Variants in TSPAN13 observed in about 807,000 individuals in gnomAD.
TSPAN13 encodes tetraspanin 13.
Under a neutral mutation model 26.9 loss-of-function variants are expected in TSPAN13, and 18 were observed. The ratio of observed to expected loss-of-function variants is 0.67; its 90% confidence interval spans 0.46 to 0.99. The LOEUF is 0.99. TSPAN13 is among the 50% of genes least tolerant of loss of function. TSPAN13 has a pLI of 0.00. For synonymous variants in TSPAN13, 116 were observed against 98.4 expected, an observed-to-expected ratio of 1.18 and a Z score of -1.06; for missense variants, 201 against 249.6, an observed-to-expected ratio of 0.81 and a Z score of 1.31.
chr7:16,772,430 G>C (rs1483902963), intron 1 of TSPAN13, among the ~76,000 whole-genome samples: 2 of 152,118 alleles, frequency 1.3e-5, no homozygotes, highest in Non-Finnish European at 2.9e-5. Flanking sequence ...CAAAATCAAG[G>C]TGTCCACAGA....
At chr7:16,780,914 T>C (rs868420084) in intron 5 of TSPAN13, among the ~76,000 whole-genome samples, 6 of 152,240 alleles carry the variant, frequency 3.9e-5, no homozygotes, top group East Asian at 3.8e-4. Flanking sequence ...TTATAACTTA[T>C]GCAACCTGGT....
chr7:16,781,524 G>T (rs1269533590), intron 5 of TSPAN13, among the ~76,000 whole-genome samples: 1 of 152,174 alleles, frequency 6.6e-6, no homozygotes, highest in Non-Finnish European at 1.5e-5. Context: ...CATTTTGGAT[G>T]TAGCCTTCCT....
intron 5 of TSPAN13, among the ~76,000 whole-genome samples, 200 bp from the exon 6 acceptor site, chr7:16,783,217 T>C (rs1349404952): frequency 6.6e-6 from 1 of 152,176 alleles, no homozygotes; most frequent in East Asian, 1.9e-4. Context: ...TCATTCAGTT[T>C]ACCACAGTGT....
intron 1 of TSPAN13, among the ~76,000 whole-genome samples, chr7:16,760,178 A>G (rs143914309): frequency 2.0e-5 from 3 of 152,296 alleles, no homozygotes; most frequent in Non-Finnish European, 4.4e-5. Context: ...GAGGACTGAT[A>G]TAGTCTGATT....
chr7:16,758,084 C>T (rs745914845), intron 1 of TSPAN13, among the ~76,000 whole-genome samples: 45 of 152,252 alleles, frequency 3.0e-4, no homozygotes, highest in Non-Finnish European at 4.3e-4. Flanking sequence ...ATCCACCCGC[C>T]TCGGTCTCCC....
chr7:16,773,262 C>A (rs1190538599), intron 1 of TSPAN13, among the ~76,000 whole-genome samples: 1 of 151,344 alleles, frequency 6.6e-6, no homozygotes, highest in African/African-American at 2.4e-5. Context: ...AAAACTACAG[C>A]CCACAGCCAG....
At chr7:16,778,267 A>C (rs1051182040) in intron 4 of TSPAN13, among the ~76,000 whole-genome samples, 1 of 152,220 alleles carries the variant, frequency 6.6e-6, no homozygotes, top group Non-Finnish European at 1.5e-5. Context: ...CCTAAGCTGA[A>C]TATTTCCTCA....
In TSPAN13 at chr7:16,754,032, T is replaced by C; in HGVS notation, c.63+2T>C. The C allele has an allele frequency of 1.2e-6, 2 of 1,613,056 alleles. No homozygotes were observed. Among genetic ancestry groups the C allele is most frequent in the Non-Finnish European group, 1.7e-6 (2 of 1,179,200 alleles). ...TGCGCCCTCAACCTGCTTTACACCG[T>C]GAGTATCCCCAGTCCGTTCCTGCTC... On this transcript the variant is annotated splice_donor_variant, in intron 1 of 5. Transcript: ENST00000262067. LOFTEE classifies it high-confidence loss of function.
At chr7:16,776,926 G>A in intron 2 of TSPAN13, 116 bp from the exon 3 acceptor site, 3 of 592,418 alleles carry the variant, frequency 5.1e-6, no homozygotes, top group Non-Finnish European at 8.8e-6. Flanking sequence ...AGTGCCATCT[G>A]TTCTGTATTC....
At chr7:16,782,800 A>G (rs1583797778) in intron 5 of TSPAN13, among the ~76,000 whole-genome samples, 1 of 152,308 alleles carries the variant, frequency 6.6e-6, no homozygotes, top group East Asian at 1.9e-4. Flanking sequence ...TTGACTTTGT[A>G]TTAGTTTTCC....
chr7:16,778,314 G>A (rs898499145), intron 4 of TSPAN13, among the ~76,000 whole-genome samples: 3 of 152,132 alleles, frequency 2.0e-5, no homozygotes, highest in Admixed American at 2.0e-4. Flanking sequence ...CCTTGTAGGG[G>A]GTCTGTGTTA....
intron 1 of TSPAN13, among the ~76,000 whole-genome samples, chr7:16,754,517 C>T (rs762781038): frequency 4.6e-5 from 7 of 152,188 alleles, no homozygotes; most frequent in Non-Finnish European, 8.8e-5. Context: ...TTGGTACCCT[C>T]GGGATTTTAA....
At chr7:16,754,356 G>A (rs374746601) in intron 1 of TSPAN13, among the ~76,000 whole-genome samples, 1 of 152,080 alleles carries the variant, frequency 6.6e-6, no homozygotes, top group African/African-American at 2.4e-5. Flanking sequence ...TTCCCACCCC[G>A]TACCCTTCTG....
At chr7:16,764,546 ATAAAAG>A (rs1013479762) in intron 1 of TSPAN13, among the ~76,000 whole-genome samples, 5 of 152,112 alleles carry the variant, frequency 3.3e-5, no homozygotes, top group African/African-American at 1.2e-4. Context: ...TCTGAATTAG[ATAAAAG>A]TAAACAAGCA....
chr7:16,754,179 C>G, intron 1 of TSPAN13, 149 bp downstream of exon 1: 1 of 801,112 alleles, frequency 1.2e-6, no homozygotes, highest in Non-Finnish European at 2.0e-6. Flanking sequence ...GCCTCACCAT[C>G]CGTCCCCGCC....
rs1784482099 is a variant in TSPAN13 at position 16,756,433 on chromosome 7, C to G, written c.63+2403C>G. Among the ~76,000 whole-genome samples the G allele has an allele frequency of 2.0e-5, 3 of 152,184 alleles. No homozygotes were observed. The South Asian group carries it at 6.2e-4, about 32-fold the overall frequency. On this transcript the variant is annotated intron_variant, in intron 1 of 5. Transcript: ENST00000262067. The stretch of plus-strand genomic sequence containing the variant: ...GAACGGCAGATGCCTGAAACATCAT[C>G]ATTGCTGTGTTGAAGCATTTTACTG...
chr7:16,781,250 A>G (rs1048330313), intron 5 of TSPAN13, among the ~76,000 whole-genome samples: 1 of 152,188 alleles, frequency 6.6e-6, no homozygotes, highest in Non-Finnish European at 1.5e-5. Flanking sequence ...AATCATTTAT[A>G]TTGTGGCATA....
chr7:16,765,694 A>G (rs946710171), intron 1 of TSPAN13, among the ~76,000 whole-genome samples: 4 of 152,232 alleles, frequency 2.6e-5, no homozygotes, highest in African/African-American at 7.2e-5. Context: ...CTGCTTATAA[A>G]AACATTACCA....
intron 1 of TSPAN13, among the ~76,000 whole-genome samples, chr7:16,763,061 A>G (rs781366100): frequency 3.9e-5 from 6 of 152,238 alleles, no homozygotes; most frequent in African/African-American, 1.2e-4. Context: ...GCAGGCAACC[A>G]TGGACCTGCT....
Sources: gnomAD v4.1 joint callset for allele counts (sites outside exome capture counted in the v4.1 genomes callset) on GRCh38, gnomAD v4.1.1 for gene constraint, MANE v1.5 for transcripts, NCBI Gene and HGNC (gene_info 2026-07-23, HGNC 2026-07-21) for gene names.